The following PHF24 variants were observed in gnomAD, a reference collection of about 807,000 sequenced individuals.
The protein encoded by PHF24 is Galpha inhibitory interacting protein.
Under a neutral mutation model 42.6 loss-of-function variants are expected in PHF24, and 25 were observed. That is an observed-to-expected ratio of 0.59 (90% CI 0.43 to 0.82). The LOEUF (loss-of-function observed/expected upper bound fraction) is 0.82. PHF24 is among the 40% of genes least tolerant of loss of function. The pLI, the probability that PHF24 is intolerant of heterozygous loss-of-function variation, is 0.00. For missense variants in PHF24, 470 were observed against 538.1 expected (o/e 0.87, Z 1.25); for synonymous variants, 185 against 204.8 (o/e 0.90, Z 0.83).
At chr9:34,836,113 G>A in the PHF24 span, 1 of 480,280 alleles carries the variant, frequency 2.1e-6, no homozygotes, top group African/African-American at 2.0e-5. Context: ...TTGGAAGAGT[G>A]TGGGCTAGCG....
the PHF24 span, among the ~76,000 whole-genome samples, chr9:34,854,846 T>C: frequency 2.0e-5 from 3 of 152,214 alleles, no homozygotes; most frequent in Non-Finnish European, 4.4e-5. Context: ...ATTTTCTGTC[T>C]TGATGATCGG....
chr9:34,685,937 C>CA, the PHF24 span, among the ~76,000 whole-genome samples: 2 of 152,214 alleles, frequency 1.3e-5, no homozygotes, highest in Non-Finnish European at 2.9e-5. Flanking sequence ...ACTGCCCAGA[C>CA]AGGAACGCCA....
At chr9:34,853,495 G>A in the PHF24 span, among the ~76,000 whole-genome samples, 4 of 152,132 alleles carry the variant, frequency 2.6e-5, no homozygotes, top group African/African-American at 9.7e-5. Flanking sequence ...TTAGGGAGGA[G>A]TCCCTTCTTT....
the PHF24 span, among the ~76,000 whole-genome samples, chr9:34,945,092 T>C: frequency 6.6e-6 from 1 of 152,126 alleles, no homozygotes; most frequent in Non-Finnish European, 1.5e-5. Context: ...ACAGAATCAT[T>C]GTACCAGCAA....
At chr9:34,891,181 T>C in the PHF24 span, among the ~76,000 whole-genome samples, 9 of 152,318 alleles carry the variant, frequency 5.9e-5, no homozygotes, top group Admixed American at 5.2e-4. Context: ...TTGCTGCTGA[T>C]CAAGGCCTGT....
the PHF24 span, among the ~76,000 whole-genome samples, chr9:34,791,369 A>G: frequency 3.9e-5 from 6 of 152,302 alleles, no homozygotes; most frequent in South Asian, 1.2e-3. Flanking sequence ...GATGGGGGAC[A>G]CTGCAGAGGA....
At chr9:34,779,573 G>T in the PHF24 span, among the ~76,000 whole-genome samples, 17 of 152,104 alleles carry the variant, frequency 1.1e-4, no homozygotes, top group Non-Finnish European at 2.4e-4. Context: ...TGAAAAAGAA[G>T]AACAAAGTTG....
the PHF24 span, among the ~76,000 whole-genome samples, chr9:34,949,597 C>A: frequency 1.3e-5 from 2 of 152,182 alleles, no homozygotes; most frequent in Admixed American, 1.3e-4. Context: ...TTGGAACCAA[C>A]CCAAATGCCC....
At chr9:34,859,706 A>G in the PHF24 span, among the ~76,000 whole-genome samples, 1 of 152,206 alleles carries the variant, frequency 6.6e-6, no homozygotes, top group African/African-American at 2.4e-5. Context: ...TAATCCTTAT[A>G]AGCTTTATTA....
the PHF24 span, chr9:34,922,582 TC>T: frequency 5.2e-6 from 5 of 966,612 alleles, no homozygotes; most frequent in Non-Finnish European, 8.4e-6. Flanking sequence ...AAGAATTTGC[TC>T]TCGCTTGTGA....
At chr9:34,772,080 T>C in the PHF24 span, among the ~76,000 whole-genome samples, 1 of 152,220 alleles carries the variant, frequency 6.6e-6, no homozygotes, top group Non-Finnish European at 1.5e-5. Flanking sequence ...TACAAAGGTT[T>C]CAGCTCAGGT....
chr9:34,767,754 G>C, the PHF24 span, among the ~76,000 whole-genome samples: 25 of 152,174 alleles, frequency 1.6e-4, no homozygotes, highest in Middle Eastern at 0.01. Flanking sequence ...GAGATGAACC[G>C]GGTACCTCAG....
At chr9:34,831,314 C>G in the PHF24 span, among the ~76,000 whole-genome samples, 1 of 152,130 alleles carries the variant, frequency 6.6e-6, no homozygotes, top group Non-Finnish European at 1.5e-5. Flanking sequence ...GGGTGCCCAC[C>G]ATTAGTTACT....
At chr9:34,864,071 T>C in the PHF24 span, among the ~76,000 whole-genome samples, 3 of 152,158 alleles carry the variant, frequency 2.0e-5, no homozygotes, top group Non-Finnish European at 4.4e-5. Context: ...ACTAGTGAGC[T>C]TGAATGCAGG....
At chr9:34,818,883 G>C in the PHF24 span, among the ~76,000 whole-genome samples, 2 of 152,160 alleles carry the variant, frequency 1.3e-5, no homozygotes. Context: ...TTGGTAGGTA[G>C]TAGTCTTCCT....
At chr9:34,782,195 A>G in the PHF24 span, among the ~76,000 whole-genome samples, 1 of 152,326 alleles carries the variant, frequency 6.6e-6, no homozygotes, top group African/African-American at 2.4e-5. Flanking sequence ...TCACAGAGGC[A>G]GTTAGCAAAT....
chr9:34,804,402 C>T, the PHF24 span, among the ~76,000 whole-genome samples: 1 of 152,060 alleles, frequency 6.6e-6, no homozygotes, highest in African/African-American at 2.4e-5. Flanking sequence ...GGCTTAAGGG[C>T]AGTGTTATAT....
chr9:34,821,638 C>T, the PHF24 span, among the ~76,000 whole-genome samples: 1 of 152,214 alleles, frequency 6.6e-6, no homozygotes, highest in Non-Finnish European at 1.5e-5. Context: ...AGCCAAGTGC[C>T]TGTGTGTAGC....
At chr9:34,894,639 T>C in the PHF24 span, 3 of 397,080 alleles carry the variant, frequency 7.6e-6, no homozygotes, top group African/African-American at 2.1e-5. Context: ...TGTGTATAAC[T>C]TAACCGTTTA....
Sources: allele counts gnomAD v4.1 joint callset (sites outside exome capture counted in the v4.1 genomes callset), GRCh38; gene constraint gnomAD v4.1.1; transcripts MANE v1.5; gene names NCBI Gene and HGNC (gene_info 2026-07-23, HGNC 2026-07-21).